The following SPTLC3 variants were observed in gnomAD, a reference collection of about 807,000 sequenced individuals.
SPTLC3 encodes serine palmitoyltransferase 3.
SPTLC3 carries 36 observed loss-of-function variants against 59.3 expected under a neutral mutation model. The ratio of observed to expected loss-of-function variants is 0.61; its 90% confidence interval spans 0.47 to 0.80. SPTLC3 has a LOEUF of 0.80. Among genes scored for constraint, SPTLC3 ranks in the 30% least tolerant of loss-of-function variants. SPTLC3 has a pLI of 0.00. For synonymous variants in SPTLC3, 257 were observed against 240.8 expected, an observed-to-expected ratio of 1.07 and a Z score of -0.62; for missense variants, 625 against 685.1, an observed-to-expected ratio of 0.91 and a Z score of 0.98.
At chr20:13,113,721 G>A (rs1990372996) in intron 7 of SPTLC3, among the ~76,000 whole-genome samples, 1 of 152,288 alleles carries the variant, frequency 6.6e-6, no homozygotes, top group African/African-American at 2.4e-5. Context: ...GCTAGTGTTG[G>A]CAGAGGCCCA....
Position 13,074,285 on chromosome 20 carries a change from ATTT to A in SPTLC3, c.459-60_459-58del. ...TAGGAACCCAAGTCTTCCACCAGGG[ATTT>A]TTTGAATCGTGCATAATCCTGGGGA... is the stretch of plus-strand genomic sequence containing the variant. On this transcript the variant is annotated intron_variant, in intron 3 of 11. Coordinates refer to ENST00000399002, the MANE Select transcript of SPTLC3 (RefSeq NM_018327.4). 3 of 1,584,858 alleles carry A rather than the reference ATTT, an allele frequency of 1.9e-6. No individual in the cohort carries two copies. The South Asian group carries it at 3.5e-5, about 18-fold the overall frequency.
intron 6 of SPTLC3, among the ~76,000 whole-genome samples, chr20:13,107,604 AC>A (rs202098794): frequency 0.01 from 1,576 of 152,302 alleles, 9 homozygotes; most frequent in Non-Finnish European, 0.015. Context: ...AGAGAAAAAA[AC>A]AAAGAAAAGG....
At chr20:13,080,391 C>T (rs1199955121) in intron 4 of SPTLC3, among the ~76,000 whole-genome samples, 1 of 151,424 alleles carries the variant, frequency 6.6e-6, no homozygotes, top group African/African-American at 2.4e-5. Flanking sequence ...GCCTGTACTC[C>T]CTGCTACTTG....
chr20:13,048,852 G>T, intron 1 of SPTLC3, 93 bp from the exon 2 acceptor site: 1 of 1,118,600 alleles, frequency 8.9e-7, no homozygotes. Flanking sequence ...TATGGCCTTT[G>T]GAATTCAAAG....
At position 13,160,010 on chromosome 20, in the gene SPTLC3, G is replaced by A. The variant is rs1377243525; in HGVS notation, c.1423G>A (p.Ala475Thr). 1 of 1,592,074 alleles carries A rather than the reference G, an allele frequency of 6.3e-7. No homozygotes were observed. The highest frequency in any genetic ancestry group is 2.3e-5 in the East Asian group (1 of 44,408). The change falls in exon 11 of 12, where the codon GCA becomes ACA. Residue 475 changes from alanine to threonine, a missense_variant. By Grantham distance (58) the Ala-to-Thr change is moderately conservative. Coordinates refer to ENST00000399002, the MANE Select transcript of SPTLC3 (RefSeq NM_018327.4). ...LYMPGKVAAF[A>T]RHMLEKKIGV... is the part of the protein sequence containing the mutation. ...TTTTTGCTTTTCCTTAAGGGCTTTT[G>A]CAAGGCATATGCTAGAGAAAAAAAT...
chr20:13,049,261 C>A (rs369015762), intron 2 of SPTLC3, 131 bp downstream of exon 2: 2 of 1,006,226 alleles, frequency 2.0e-6, no homozygotes, highest in South Asian at 1.4e-5. Flanking sequence ...AAATTTCATT[C>A]ATCTCCACCT....
chr20:13,034,717 C>T (rs1343414644), intron 1 of SPTLC3, among the ~76,000 whole-genome samples: 1 of 151,910 alleles, frequency 6.6e-6, no homozygotes, highest in South Asian at 2.1e-4. Flanking sequence ...AATTAAACTA[C>T]CCCAAATCAA....
intron 1 of SPTLC3, among the ~76,000 whole-genome samples, chr20:13,012,199 C>G (rs6033571): frequency 0.018 from 2,704 of 152,190 alleles, 77 homozygotes; most frequent in African/African-American, 0.062. Flanking sequence ...ATTTTCTTCT[C>G]TTAAACGAAA....
At chr20:13,025,549 A>G (rs909558032) in intron 1 of SPTLC3, among the ~76,000 whole-genome samples, 2 of 152,148 alleles carry the variant, frequency 1.3e-5, no homozygotes, top group Admixed American at 1.3e-4. Context: ...AATTAATAAG[A>G]TAATGCATGC....
chr20:13,072,156 T>G, intron 2 of SPTLC3, 100 bp from the exon 3 acceptor site: 1 of 1,323,968 alleles, frequency 7.6e-7, no homozygotes, highest in Non-Finnish European at 1.0e-6. Context: ...TGTAGATGTG[T>G]TATTTCCACA....
chr20:13,154,720 C>A (rs78593740), intron 10 of SPTLC3, among the ~76,000 whole-genome samples: 2,796 of 152,280 alleles, frequency 0.018, 54 homozygotes, highest in South Asian at 0.03. Flanking sequence ...TACTGTGAAC[C>A]TGTTTGGGGG....
At chr20:13,113,492 A>G (rs1432597923) in intron 7 of SPTLC3, among the ~76,000 whole-genome samples, 4 of 152,168 alleles carry the variant, frequency 2.6e-5, no homozygotes, top group Non-Finnish European at 5.9e-5. Flanking sequence ...TCAAGATAGA[A>G]AAGGCTAGAT....
At position 13,164,617 on chromosome 20, in the gene SPTLC3, G is replaced by T. The variant is rs2123018623; in HGVS notation, c.1546-137G>T. ...ACCACAACCTAATGGTACGGATCTT[G>T]CTTCTTTTCTTTAAAATCAAAGAAG... On this transcript the variant is annotated intron_variant, in intron 11 of 11. Coordinates refer to ENST00000399002, the MANE Select transcript of SPTLC3 (RefSeq NM_018327.4). 3 of 665,804 alleles carry T rather than the reference G, an allele frequency of 4.5e-6. No homozygotes were observed. In the South Asian group the frequency reaches 5.8e-5, roughly 13 times the overall value. The allele number at this position is 665,804 out of a possible 1,614,324, so 41.2% of individuals were successfully genotyped here.
chr20:13,104,674 C>T (rs1373349806), intron 6 of SPTLC3, among the ~76,000 whole-genome samples: 1 of 152,172 alleles, frequency 6.6e-6, no homozygotes, highest in East Asian at 1.9e-4. Context: ...AACACCAAGG[C>T]ATTATTAATG....
chr20:13,117,005 T>G (rs1990596625), intron 7 of SPTLC3, among the ~76,000 whole-genome samples: 1 of 152,236 alleles, frequency 6.6e-6, no homozygotes, highest in Non-Finnish European at 1.5e-5. Flanking sequence ...CTATTTTACT[T>G]TAATTAACAC....
rs141412851 is a variant in SPTLC3, at chr20:13,135,443, G to A, written c.1279+8726G>A. The stretch of plus-strand genomic sequence containing the variant: ...ATGACATGGTGTTGAAATGAAATTG[G>A]CACTTTTTTGAAAAAAGATGATCTG... On this transcript the variant is annotated intron_variant, in intron 9 of 11. Coordinates refer to ENST00000399002, the MANE Select transcript of SPTLC3 (RefSeq NM_018327.4). 4.6e-5 allele frequency among the ~76,000 whole-genome samples: 7 copies of A among 152,148 alleles called. No homozygotes were observed. The East Asian group carries it at 1.4e-3, about 29-fold the overall frequency.
chr20:13,130,244 C>T (rs2038092369), intron 9 of SPTLC3, among the ~76,000 whole-genome samples: 1 of 152,190 alleles, frequency 6.6e-6, no homozygotes, highest in African/African-American at 2.4e-5. Context: ...GAGATAGACT[C>T]ACTCTCAGGG....
intron 6 of SPTLC3, among the ~76,000 whole-genome samples, chr20:13,109,849 G>C (rs963358970): frequency 3.3e-5 from 5 of 152,116 alleles, no homozygotes; most frequent in African/African-American, 1.2e-4. Flanking sequence ...GGCGGGGAGA[G>C]CCTTTAAGAG....
At chr20:13,156,405 T>C (rs1427755486) in intron 10 of SPTLC3, among the ~76,000 whole-genome samples, 3 of 152,204 alleles carry the variant, frequency 2.0e-5, no homozygotes, top group East Asian at 1.9e-4. Context: ...CTATGAACGA[T>C]ATGCTTCATA....
Sources: allele counts gnomAD v4.1 joint callset (sites outside exome capture counted in the v4.1 genomes callset), GRCh38; gene constraint gnomAD v4.1.1; transcripts MANE v1.5; gene names NCBI Gene and HGNC (gene_info 2026-07-23, HGNC 2026-07-21).